Variants in STK32B observed in about 807,000 individuals in gnomAD.
STK32B encodes the protein serine/threonine kinase 32B.
A neutral mutation model predicts 52.6 loss-of-function variants in STK32B; 43 were observed. The observed-to-expected ratio is 0.82, with a 90% CI of 0.64 to 1.05. The LOEUF is 1.05. Among genes scored for constraint, STK32B ranks in the 50% least tolerant of loss-of-function variants. The pLI is 0.00. For synonymous variants in STK32B, 238 were observed against 204.3 expected (o/e 1.17, Z -1.41); for missense variants, 621 against 534.6 (o/e 1.16, Z -1.59).
At chr4:5,193,065 C>G (rs138929508) in intron 3 of STK32B, among the ~76,000 whole-genome samples, 83 of 152,274 alleles carry the variant, frequency 5.5e-4, no homozygotes, top group African/African-American at 2.0e-3. Flanking sequence ...GAAGAGGAAC[C>G]CCGGCCACTG....
rs199847717 is a variant in STK32B, at chr4:5,494,710, C to G, written c.1107-4235C>G. On this transcript the variant is annotated intron_variant, in intron 11 of 11. Coordinates refer to ENST00000282908, the MANE Select transcript of STK32B (RefSeq NM_018401.3). ...TTTTGGCATGATGTTGCAGTGGCTGCTACCAGTTGTTCCTTTCCATGTTTA... is the reference window on the plus strand; with the variant it reads ...TTTTGGCATGATGTTGCAGTGGCTGGTACCAGTTGTTCCTTTCCATGTTTA... Among the ~76,000 whole-genome samples, 417 of 152,278 alleles carry G rather than the reference C, an allele frequency of 2.7e-3. 11 individuals are homozygous for G. The East Asian group carries it at 0.058, about 21-fold the overall frequency.
intron 3 of STK32B, among the ~76,000 whole-genome samples, chr4:5,284,285 G>C (rs1376753988): frequency 2.6e-5 from 4 of 151,912 alleles, no homozygotes; most frequent in Non-Finnish European, 5.9e-5. Flanking sequence ...AAAAGAAGAA[G>C]GAAATAGTTT....
intron 1 of STK32B, among the ~76,000 whole-genome samples, chr4:5,135,585 ATATAT>A (rs1338886474): frequency 6.6e-6 from 1 of 152,180 alleles, no homozygotes; most frequent in Non-Finnish European, 1.5e-5. Context: ...ATTTTTCCTA[ATATAT>A]TAAGTCCCAA....
chr4:5,155,159 C>T (rs1717710263), intron 2 of STK32B, among the ~76,000 whole-genome samples: 1 of 152,182 alleles, frequency 6.6e-6, no homozygotes, highest in South Asian at 2.1e-4. Context: ...GCAAGGCTCA[C>T]TTATAGCATA....
In STK32B at chr4:5,372,145, C is replaced by T. The variant is rs192060985; in HGVS notation, c.435-26062C>T. Among the ~76,000 whole-genome samples the T allele has an allele frequency of 2.4e-4, 36 of 152,298 alleles. No homozygotes were observed. In the East Asian group the frequency reaches 6.9e-3, roughly 29 times the overall value. On this transcript the variant is annotated intron_variant, in intron 4 of 11. Coordinates refer to ENST00000282908, the MANE Select transcript of STK32B (RefSeq NM_018401.3). ...GCAACCCCTTGGAGGAGAATGCATA[C>T]CTGCAGTCAGAAGGGCTTACATGTG...
intron 6 of STK32B, among the ~76,000 whole-genome samples, chr4:5,443,168 G>A (rs201087592): frequency 0.084 from 12,529 of 148,724 alleles, 786 homozygotes; most frequent in East Asian, 0.38. Flanking sequence ...CTAGATTGGG[G>A]AAGTTCTCCT....
intron 3 of STK32B, among the ~76,000 whole-genome samples, chr4:5,279,264 G>C (rs1197953593): frequency 6.6e-6 from 1 of 152,158 alleles, no homozygotes; most frequent in African/African-American, 2.4e-5. Context: ...ACAGGCATTG[G>C]GTAAATGCCC....
chr4:5,439,430 G>A lies in STK32B; in HGVS notation c.563-7243G>A, dbSNP rs866677638. On this transcript the variant is annotated intron_variant, in intron 6 of 11. Transcript: ENST00000282908. ...TGAGAAATGTCTGTTCATGTCCTTCGCCCACTTTTTGATGGGGTTGTTTGT... is the reference window on the plus strand; with the variant it reads ...TGAGAAATGTCTGTTCATGTCCTTCACCCACTTTTTGATGGGGTTGTTTGT... 6.3e-4 allele frequency among the ~76,000 whole-genome samples: 96 copies of A among 151,800 alleles called. No individual in the cohort carries two copies. In the South Asian group the frequency reaches 0.011, roughly 17 times the overall value.
chr4:5,025,288 T>A, the STK32B span, among the ~76,000 whole-genome samples: 1 of 151,782 alleles, frequency 6.6e-6, no homozygotes, highest in East Asian at 1.9e-4. Flanking sequence ...GTCCACTTGA[T>A]CCCCCATAGT....
At chr4:5,423,896 C>T (rs566916738) in intron 6 of STK32B, among the ~76,000 whole-genome samples, 52 of 152,246 alleles carry the variant, frequency 3.4e-4, no homozygotes, top group African/African-American at 1.1e-3. Flanking sequence ...GAAGCCCCGC[C>T]GCCCCCTTGT....
intron 3 of STK32B, among the ~76,000 whole-genome samples, chr4:5,302,748 T>C (rs67563629): frequency 0.14 from 20,859 of 151,870 alleles, 2,882 homozygotes; most frequent in African/African-American, 0.36. Flanking sequence ...TTTTATTTCT[T>C]ACTCCCTCCC....
rs568602630 is a variant in STK32B, at chr4:5,380,841, G to T, written c.435-17366G>T. Among the ~76,000 whole-genome samples the T allele has an allele frequency of 4.3e-4, 66 of 152,264 alleles. No individual in the cohort carries two copies. Among genetic ancestry groups the T allele is most frequent in the Non-Finnish European group, 8.2e-4 (56 of 68,030 alleles). On this transcript the variant is annotated intron_variant, in intron 4 of 11. Coordinates refer to ENST00000282908, the MANE Select transcript of STK32B (RefSeq NM_018401.3). The surrounding 1 kb of genome is among the most constrained non-coding windows in gnomAD (Gnocchi z 4.3). ...GTAGAGCTTAGATCTTCATGGTGTG[G>T]TAAAGAAATTGAGACTCAGAGGAGG...
At chr4:5,493,147 A>C (rs1198415440) in intron 11 of STK32B, among the ~76,000 whole-genome samples, 1 of 151,840 alleles carries the variant, frequency 6.6e-6, no homozygotes, top group Non-Finnish European at 1.5e-5. Context: ...TAGTTTCAGA[A>C]GGAATGGTAC....
intron 7 of STK32B, among the ~76,000 whole-genome samples, chr4:5,450,965 A>G (rs965984084): frequency 3.3e-5 from 5 of 151,594 alleles, no homozygotes; most frequent in African/African-American, 7.3e-5. Context: ...TCCCATCCAC[A>G]CTCTGTGCTT....
At chr4:5,243,746 A>C (rs1031197561) in intron 3 of STK32B, among the ~76,000 whole-genome samples, 1 of 152,144 alleles carries the variant, frequency 6.6e-6, no homozygotes, top group African/African-American at 2.4e-5. Flanking sequence ...ATTTTGAGAT[A>C]TGTCCCATCA....
In STK32B at chr4:5,499,029, CG is replaced by C. The variant is rs1341558125; in HGVS notation, c.1194del (p.Cys399AlafsTer42). On this transcript the variant is annotated frameshift_variant, in exon 12 of 12. Transcript: ENST00000282908. LOFTEE classifies it high-confidence loss of function. Reference sequence around the variant, plus strand: ...GCCAGGCCCAAAGCAAGCTCCAGGACGGGTGCAACAACAACCTCCTCACCCA... The same window carrying C: ...GCCAGGCCCAAAGCAAGCTCCAGGACGGTGCAACAACAACCTCCTCACCCA... ...GGQAQSKLQD[G>X]CNNNLLTHTC... 2 of 1,613,826 alleles carry C rather than the reference CG, an allele frequency of 1.2e-6. No individual in the cohort carries two copies. Among genetic ancestry groups the C allele is most frequent in the Non-Finnish European group, 1.7e-6 (2 of 1,179,818 alleles).
intron 3 of STK32B, among the ~76,000 whole-genome samples, chr4:5,316,687 A>G (rs1478978008): frequency 1.2e-3 from 1 of 866 alleles, no homozygotes; most frequent in Non-Finnish European, 1.6e-3. Context: ...AATATAATAT[A>G]ATATATATCA....
rs78684462 is a variant in STK32B, at chr4:5,337,892, G to A, written c.434+6499G>A. Reference sequence around the variant, plus strand: ...CAATTATACTCTATTGAGAAACTGGGGAAATGGGAAGGATGACTAAGTCTC... The same window carrying A: ...CAATTATACTCTATTGAGAAACTGGAGAAATGGGAAGGATGACTAAGTCTC... On this transcript the variant is annotated intron_variant, in intron 4 of 11. Coordinates refer to ENST00000282908, the MANE Select transcript of STK32B (RefSeq NM_018401.3). Among the ~76,000 whole-genome samples the A allele has an allele frequency of 8.8e-3, 1,346 of 152,208 alleles. 54 individuals carry two copies. In the East Asian group the frequency reaches 0.11, roughly 13 times the overall value.
chr4:5,317,870 C>T, intron 3 of STK32B, among the ~76,000 whole-genome samples: 1 of 152,014 alleles, frequency 6.6e-6, no homozygotes, highest in African/African-American at 2.4e-5. Context: ...TAGATCGGCA[C>T]TTCTCAAAGT....
Sources: gnomAD v4.1 joint callset for allele counts (sites outside exome capture counted in the v4.1 genomes callset) on GRCh38, gnomAD v4.1.1 for gene constraint, Gnocchi (gnomAD v3.1) non-coding constraint, MANE v1.5 for transcripts, NCBI Gene and HGNC (gene_info 2026-07-23, HGNC 2026-07-21) for gene names.